RBFOX1: variants seen among roughly 807,000 people sequenced by gnomAD.
The protein encoded by RBFOX1 is RNA binding fox-1 homolog 1, also known as RNA binding protein fox-1 homolog 1.
Under a neutral mutation model 57.7 loss-of-function variants are expected in RBFOX1, and 8 were observed. The ratio of observed to expected loss-of-function variants is 0.14; its 90% CI spans 0.08 to 0.25. RBFOX1 has a LOEUF of 0.25. Ranked by LOEUF, RBFOX1 falls within the 10% of genes least tolerant of loss-of-function variation. The probability of loss-of-function intolerance (pLI) is 1.00; values close to 1 mark genes in which losing one functional copy is unlikely to be tolerated. For missense variants in RBFOX1, 611 were observed against 548.5 expected (o/e 1.11, Z -1.14); for synonymous variants, 326 against 222.4 (o/e 1.47, Z -4.15).
At chr16:5,885,424 T>C (rs2057874656) in intron 4 of RBFOX1, among the ~76,000 whole-genome samples, 1 of 152,104 alleles carries the variant, frequency 6.6e-6, no homozygotes, top group South Asian at 2.1e-4. Flanking sequence ...AATAGCAACT[T>C]GCAAGGTTAA....
intron 3 of RBFOX1, among the ~76,000 whole-genome samples, chr16:6,855,845 C>CCCTG (rs202089163): frequency 8.7e-6 from 1 of 114,674 alleles, no homozygotes; most frequent in Non-Finnish European, 1.9e-5. Context: ...TTCCCTCCCT[C>CCCTG]TTTCCCTCCC....
intron 1 of RBFOX1, among the ~76,000 whole-genome samples, chr16:5,375,641 C>G (rs945156106): frequency 1.3e-5 from 2 of 152,142 alleles, no homozygotes; most frequent in Non-Finnish European, 2.9e-5. Context: ...GTTGTAATAT[C>G]CAGTATTTAT....
At chr16:6,388,470 A>C (rs2092421996) in intron 2 of RBFOX1, among the ~76,000 whole-genome samples, 1 of 152,112 alleles carries the variant, frequency 6.6e-6, no homozygotes, top group Admixed American at 6.5e-5. Context: ...TTTTATTTTT[A>C]CTTATTATTT....
chr16:6,678,105 A>G (rs1476662722), intron 3 of RBFOX1, among the ~76,000 whole-genome samples: 1 of 152,158 alleles, frequency 6.6e-6, no homozygotes, highest in Non-Finnish European at 1.5e-5. Context: ...CATCTACTTA[A>G]ATTAAAAGTT....
intron 4 of RBFOX1, among the ~76,000 whole-genome samples, chr16:7,348,313 A>T (rs539977951): frequency 2.1e-4 from 32 of 151,974 alleles, no homozygotes; most frequent in Non-Finnish European, 4.4e-4. Flanking sequence ...ATTCTTATCT[A>T]CTCTCATCGT....
intron 3 of RBFOX1, among the ~76,000 whole-genome samples, chr16:6,749,427 C>T (rs368294978): frequency 1.1e-4 from 17 of 152,282 alleles, no homozygotes; most frequent in Middle Eastern, 3.4e-3. Context: ...CTTGCTGTTA[C>T]GGTCACTCAG....
chr16:6,234,325 T>C (rs1164890211), intron 1 of RBFOX1, among the ~76,000 whole-genome samples: 1 of 152,194 alleles, frequency 6.6e-6, no homozygotes, highest in Non-Finnish European at 1.5e-5. Flanking sequence ...CTTTTTGGCA[T>C]TTAGTTCAGT....
At chr16:5,314,871 C>G (rs570640740) in intron 1 of RBFOX1, among the ~76,000 whole-genome samples, 1 of 149,536 alleles carries the variant, frequency 6.7e-6, no homozygotes, top group East Asian at 2.0e-4. Context: ...GAAAAAACTT[C>G]AAGTAGTGAT....
At chr16:6,386,141 C>G (rs539030900) in intron 2 of RBFOX1, among the ~76,000 whole-genome samples, 1 of 152,040 alleles carries the variant, frequency 6.6e-6, no homozygotes, top group Non-Finnish European at 1.5e-5. Flanking sequence ...TTCACCGTGT[C>G]ACTCAGGATG....
rs762556351 is a variant in RBFOX1, at chr16:6,467,777, C to T, written c.-64+150720C>T. Among the ~76,000 whole-genome samples the T allele has an allele frequency of 1.6e-4, 25 of 152,072 alleles. 1 individual carries two copies. Among genetic ancestry groups the T allele is most frequent in the Admixed American group, 3.3e-4 (5 of 15,256 alleles). ...TTAGACCTCATCTGCCATTAGCTAG[C>T]GGTACTTAAGTGGGAAATTTTGCAA... is the stretch of plus-strand genomic sequence containing the variant. On this transcript the variant is annotated intron_variant, in intron 2 of 15. Transcript: ENST00000550418.
At chr16:7,145,617 G>A (rs937524059) in intron 4 of RBFOX1, among the ~76,000 whole-genome samples, 4 of 152,134 alleles carry the variant, frequency 2.6e-5, no homozygotes, top group African/African-American at 9.7e-5. Context: ...GGTTATGTTA[G>A]TGGGGGTATT....
intron 4 of RBFOX1, among the ~76,000 whole-genome samples, chr16:7,279,300 C>T (rs1336066568): frequency 6.6e-6 from 1 of 152,120 alleles, no homozygotes; most frequent in Admixed American, 6.5e-5. Context: ...TTTGGTAAAG[C>T]TGAAATGCGG....
chr16:7,202,455 A>G (rs144525841), intron 4 of RBFOX1, among the ~76,000 whole-genome samples: 211 of 152,284 alleles, frequency 1.4e-3, no homozygotes, highest in African/African-American at 4.8e-3. Flanking sequence ...CTGCCAGATG[A>G]TCCAACAATT....
chr16:6,653,714 G>A (rs1459560587), intron 2 of RBFOX1, among the ~76,000 whole-genome samples: 1 of 151,450 alleles, frequency 6.6e-6, no homozygotes, highest in Non-Finnish European at 1.5e-5. Context: ...TGGATGAATA[G>A]ATGAGTGGAT....
intron 3 of RBFOX1, among the ~76,000 whole-genome samples, chr16:6,899,725 G>A (rs12709159): frequency 0.39 from 59,498 of 152,060 alleles, 11,813 homozygotes; most frequent in South Asian, 0.48. Context: ...CATGCATGAT[G>A]GTTTCATCTT....
intron 2 of RBFOX1, among the ~76,000 whole-genome samples, chr16:6,613,352 G>C (rs1409224737): frequency 6.6e-6 from 1 of 152,002 alleles, no homozygotes; most frequent in South Asian, 2.1e-4. Flanking sequence ...GTGGGGGCTG[G>C]TTCTTAGCAC....
intron 1 of RBFOX1, among the ~76,000 whole-genome samples, chr16:6,280,252 G>A (rs1032828181): frequency 4.6e-5 from 7 of 152,100 alleles, no homozygotes; most frequent in African/African-American, 1.2e-4. Flanking sequence ...AAGCTGCATC[G>A]TCCCAGAATC....
At chr16:6,891,591 C>CA (rs2065440022) in intron 3 of RBFOX1, among the ~76,000 whole-genome samples, 1 of 152,204 alleles carries the variant, frequency 6.6e-6, no homozygotes, top group East Asian at 1.9e-4. Context: ...TAGCATTCCT[C>CA]AGCACCATTG....
chr16:6,597,635 T>C lies in RBFOX1; in HGVS notation c.-63-56968T>C, dbSNP rs562409776. 4.3e-4 allele frequency among the ~76,000 whole-genome samples: 65 copies of C among 152,094 alleles called. 1 individual carries two copies. The highest frequency in any genetic ancestry group is 1.6e-3 in the African/African-American group (65 of 41,482). On this transcript the variant is annotated intron_variant, in intron 2 of 15. Transcript: ENST00000550418. ...ATTGCAGTGAGCTGAGATAGCACCA[T>C]TGCACTCCAGCTTGGGTTGAGAGCA...
Sources: allele counts gnomAD v4.1 joint callset (sites outside exome capture counted in the v4.1 genomes callset), GRCh38; gene constraint gnomAD v4.1.1; transcripts MANE v1.5; gene names NCBI Gene and HGNC (gene_info 2026-07-23, HGNC 2026-07-21).